ATRNL1: variants seen among roughly 807,000 people sequenced by gnomAD.
ATRNL1 encodes the protein attractin-like protein 1.
ATRNL1 carries 95 observed loss-of-function variants against 182.7 expected under a neutral mutation model. The ratio of observed to expected loss-of-function variants is 0.52; its 90% CI spans 0.44 to 0.62. The LOEUF (loss-of-function observed/expected upper bound fraction) is 0.62. ATRNL1 is among the 20% of genes least tolerant of loss of function. ATRNL1 has a pLI of 0.00. For synonymous variants in ATRNL1, 576 were observed against 568.3 expected, an observed-to-expected ratio of 1.01 and a Z score of -0.19; for missense variants, 1,471 against 1,679.5, an observed-to-expected ratio of 0.88 and a Z score of 2.17.
At chr10:115,358,927 A>C (rs1554943534) in intron 19 of ATRNL1, among the ~76,000 whole-genome samples, 1 of 151,618 alleles carries the variant, frequency 6.6e-6, no homozygotes, top group African/African-American at 2.4e-5. Flanking sequence ...TCAGTATTTT[A>C]TTCAGTTTCC....
chr10:115,269,113 A>G lies in ATRNL1; in HGVS notation c.2100+669A>G, dbSNP rs78745985. On this transcript the variant is annotated intron_variant, in intron 13 of 28. Coordinates refer to ENST00000355044, the MANE Select transcript of ATRNL1 (RefSeq NM_207303.4). ...TAGCACTATTGACATTTTGAGCCCT[A>G]TAATTATTTGTTTATTTGTTTATTT... is the stretch of plus-strand genomic sequence containing the variant. Among the ~76,000 whole-genome samples the G allele has an allele frequency of 1.8e-3, 271 of 152,266 alleles. 3 individuals are homozygous for G. In the East Asian group the frequency reaches 0.033, roughly 19 times the overall value.
chr10:115,643,946 A>G (rs1859431082), intron 26 of ATRNL1, among the ~76,000 whole-genome samples: 1 of 152,196 alleles, frequency 6.6e-6, no homozygotes, highest in African/African-American at 2.4e-5. Flanking sequence ...TACCAATGAC[A>G]TAATCTCATT....
chr10:115,541,466 A>T (rs1390373120), intron 25 of ATRNL1, among the ~76,000 whole-genome samples: 2 of 152,188 alleles, frequency 1.3e-5, no homozygotes, highest in African/African-American at 4.8e-5. Context: ...AATTGATGTA[A>T]TGGCTTTGAA....
chr10:115,231,772 A>C (rs1161457030), intron 9 of ATRNL1, among the ~76,000 whole-genome samples: 2 of 152,150 alleles, frequency 1.3e-5, no homozygotes, highest in Non-Finnish European at 2.9e-5. Context: ...AAATAAGTAG[A>C]GGTGGAGAGA....
chr10:115,738,280 T>G (rs2804171), intron 27 of ATRNL1, among the ~76,000 whole-genome samples: 1 of 150,746 alleles, frequency 6.6e-6, no homozygotes, highest in African/African-American at 2.4e-5. Context: ...GCTGGGGTTA[T>G]AGACACCCAC....
chr10:115,886,127 G>A (rs1294429397), intron 28 of ATRNL1, among the ~76,000 whole-genome samples: 3 of 152,126 alleles, frequency 2.0e-5, no homozygotes, highest in Admixed American at 6.5e-5. Flanking sequence ...TGAAACCAAA[G>A]GACCTCATAG....
chr10:115,546,052 A>G (rs1255557358), intron 25 of ATRNL1, among the ~76,000 whole-genome samples: 3 of 152,200 alleles, frequency 2.0e-5, no homozygotes, highest in Non-Finnish European at 2.9e-5. Context: ...CAGGTAATTC[A>G]TGTAAAACAC....
At chr10:115,752,756 G>A (rs1183582175) in intron 27 of ATRNL1, among the ~76,000 whole-genome samples, 1 of 152,056 alleles carries the variant, frequency 6.6e-6, no homozygotes, top group Non-Finnish European at 1.5e-5. Context: ...GAAAATGATA[G>A]TTATGCAAAC....
rs1396646177 is a variant in ATRNL1, at chr10:115,286,198, CA to C, written c.2234-17del. 1 of 1,333,324 alleles carries C rather than the reference CA, an allele frequency of 7.5e-7. No individual in the cohort carries two copies. Among genetic ancestry groups the C allele is most frequent in the Non-Finnish European group, 1.1e-6 (1 of 947,130 alleles). The allele number at this position is 1,333,324 out of a possible 1,614,324, so 82.6% of individuals were successfully genotyped here. A position where few individuals can be genotyped will look rare whatever the true frequency, so the allele number is the denominator to read the frequency against. On this transcript the variant is annotated splice_polypyrimidine_tract_variant and intron_variant, in intron 14 of 28. Coordinates refer to ENST00000355044, the MANE Select transcript of ATRNL1 (RefSeq NM_207303.4). ...TTTTTGGTAATCTAACAATAAGACACATTTTTTTTCTTACTAGCTCATCTTT... is the reference window on the plus strand; with the variant it reads ...TTTTTGGTAATCTAACAATAAGACACTTTTTTTTCTTACTAGCTCATCTTT...
At chr10:115,696,895 G>C (rs1428907594) in intron 26 of ATRNL1, among the ~76,000 whole-genome samples, 1 of 149,024 alleles carries the variant, frequency 6.7e-6, no homozygotes, top group African/African-American at 2.6e-5. Context: ...GAGAGAGAGA[G>C]AGAGCGAGCG....
At chr10:115,306,744 G>A (rs955495617) in intron 17 of ATRNL1, among the ~76,000 whole-genome samples, 6 of 151,806 alleles carry the variant, frequency 4.0e-5, no homozygotes, top group African/African-American at 1.5e-4. Context: ...TGCATTTTTT[G>A]TATTTTTGTT....
intron 27 of ATRNL1, among the ~76,000 whole-genome samples, chr10:115,807,436 A>C (rs1367694903): frequency 6.6e-6 from 1 of 152,210 alleles, no homozygotes; most frequent in Non-Finnish European, 1.5e-5. Flanking sequence ...CTTTTAAGTG[A>C]ATACTATGGG....
intron 26 of ATRNL1, among the ~76,000 whole-genome samples, chr10:115,594,810 C>A (rs1670948385): frequency 6.6e-6 from 1 of 152,116 alleles, no homozygotes; most frequent in African/African-American, 2.4e-5. Flanking sequence ...AGGCCAGTAA[C>A]ATTATTTCCA....
chr10:115,210,544 G>T (rs1554894754), intron 8 of ATRNL1, among the ~76,000 whole-genome samples: 1 of 151,894 alleles, frequency 6.6e-6, no homozygotes, highest in Non-Finnish European at 1.5e-5. Context: ...GTGATTCCAA[G>T]AATGTTTTAT....
chr10:115,606,947 T>C (rs1856906142), intron 26 of ATRNL1, among the ~76,000 whole-genome samples: 1 of 151,978 alleles, frequency 6.6e-6, no homozygotes, highest in African/African-American at 2.4e-5. Context: ...ACTGTCAGCG[T>C]TTGTTACAGT....
At chr10:115,512,910 G>C (rs782480242) in intron 24 of ATRNL1, among the ~76,000 whole-genome samples, 7 of 151,932 alleles carry the variant, frequency 4.6e-5, no homozygotes, top group Non-Finnish European at 1.0e-4. Flanking sequence ...TCTCCTTTGT[G>C]CTTATTCCTT....
intron 26 of ATRNL1, among the ~76,000 whole-genome samples, chr10:115,629,938 T>C (rs1445548422): frequency 5.3e-5 from 8 of 152,168 alleles, no homozygotes; most frequent in Non-Finnish European, 2.9e-5. Flanking sequence ...AGTTAGCTAA[T>C]AAGAAGCAGC....
At chr10:115,664,774 T>C (rs1266767063) in intron 26 of ATRNL1, among the ~76,000 whole-genome samples, 1 of 152,126 alleles carries the variant, frequency 6.6e-6, no homozygotes, top group African/African-American at 2.4e-5. Context: ...CTCCTAGAAT[T>C]AGAATCCAAA....
chr10:115,800,807 A>G (rs911334072), intron 27 of ATRNL1, among the ~76,000 whole-genome samples: 2 of 151,982 alleles, frequency 1.3e-5, no homozygotes, highest in Non-Finnish European at 2.9e-5. Flanking sequence ...AGCCAGGAGG[A>G]GAGTCATCAC....
Sources: gnomAD v4.1 joint callset for allele counts (sites outside exome capture counted in the v4.1 genomes callset) on GRCh38, gnomAD v4.1.1 for gene constraint, MANE v1.5 for transcripts, NCBI Gene and HGNC (gene_info 2026-07-23, HGNC 2026-07-21) for gene names.